CDH12: variants seen among roughly 807,000 people sequenced by gnomAD.
The protein encoded by CDH12 is cadherin-12.
A neutral mutation model predicts 74.1 loss-of-function variants in CDH12; 41 were observed. The observed-to-expected ratio is 0.55, with a 90% CI of 0.43 to 0.72. The LOEUF (loss-of-function observed/expected upper bound fraction) is 0.72. Among genes scored for constraint, CDH12 ranks in the 30% least tolerant of loss-of-function variants. The pLI, the probability that CDH12 is intolerant of heterozygous loss-of-function variation, is 0.00. For missense variants in CDH12, 945 were observed against 977.2 expected (o/e 0.97, Z 0.44); for synonymous variants, 399 against 355.0 (o/e 1.12, Z -1.39).
intron 2 of CDH12, among the ~76,000 whole-genome samples, chr5:22,489,626 T>C (rs964115909): frequency 5.3e-5 from 8 of 152,078 alleles, no homozygotes; most frequent in African/African-American, 1.9e-4. Context: ...TGCTGCAATT[T>C]TATAGCTGTA....
chr5:22,513,847 T>C (rs991347308), intron 1 of CDH12, among the ~76,000 whole-genome samples: 4 of 150,686 alleles, frequency 2.7e-5, no homozygotes, highest in African/African-American at 7.3e-5. Flanking sequence ...ACTTAGGAGG[T>C]TGAGGTAAGA....
intron 1 of CDH12, among the ~76,000 whole-genome samples, chr5:22,655,079 T>C (rs999083631): frequency 6.6e-6 from 1 of 152,226 alleles, no homozygotes; most frequent in Non-Finnish European, 1.5e-5. Flanking sequence ...TTTGTTTTTA[T>C]TTACTGGAAC....
intron 5 of CDH12, among the ~76,000 whole-genome samples, chr5:22,010,188 C>T (rs888499854): frequency 2.0e-5 from 3 of 152,014 alleles, no homozygotes; most frequent in Non-Finnish European, 4.4e-5. Context: ...TTAGTAGTGG[C>T]CTAATTTTCC....
At chr5:22,779,239 T>C (rs973684358) in intron 1 of CDH12, among the ~76,000 whole-genome samples, 1 of 152,170 alleles carries the variant, frequency 6.6e-6, no homozygotes, top group Non-Finnish European at 1.5e-5. Context: ...GAAGCGAAAA[T>C]GCAGAAATGG....
At chr5:22,318,195 T>C (rs972532752) in intron 3 of CDH12, among the ~76,000 whole-genome samples, 6 of 152,204 alleles carry the variant, frequency 3.9e-5, no homozygotes, top group Non-Finnish European at 7.4e-5. Context: ...TTAAGTTTCA[T>C]TAGCCAGTGG....
intron 4 of CDH12, among the ~76,000 whole-genome samples, chr5:22,112,123 A>G (rs1414614599): frequency 1.3e-5 from 2 of 152,108 alleles, no homozygotes; most frequent in Non-Finnish European, 2.9e-5. Context: ...GAAAGGATGA[A>G]TAAAAGTATA....
rs1259978495 is a variant in CDH12, at chr5:22,760,699, AAC to A, written c.-523+92357_-523+92358del. On this transcript the variant is annotated intron_variant, in intron 1 of 14. Transcript: ENST00000382254. ...GTCTCAAAAAAAAAAAAAAAAAAAAAACAAAAAAAAAAAGGTAAATTAAAAAA... is the reference window on the plus strand; with the variant it reads ...GTCTCAAAAAAAAAAAAAAAAAAAAAAAAAAAAAAAAGGTAAATTAAAAAA... Among the ~76,000 whole-genome samples the A allele has an allele frequency of 5.5e-4, 80 of 144,552 alleles. 1 individual carries two copies. Among genetic ancestry groups the A allele is most frequent in the African/African-American group, 1.8e-3 (66 of 37,420 alleles). The allele number at this position is 144,552 out of a possible 152,430, so 94.8% of individuals were successfully genotyped here.
rs574838597 is a variant in CDH12, at chr5:22,425,953, C to A, written c.-427-20602G>T. On this transcript the variant is annotated intron_variant, in intron 2 of 14. Transcript: ENST00000382254. ...CCATCCAGTGCTATTGTTTGGGAGGCTGAGGTGAGCGGATCACAAGGTCAA... is the reference window on the plus strand; with the variant it reads ...CCATCCAGTGCTATTGTTTGGGAGGATGAGGTGAGCGGATCACAAGGTCAA... 2.9e-3 allele frequency among the ~76,000 whole-genome samples: 446 copies of A among 151,974 alleles called. 6 individuals carry two copies. The highest frequency in any genetic ancestry group is 0.01 in the African/African-American group (424 of 41,468).
chr5:21,797,067 G>C (rs1025965445), intron 10 of CDH12, among the ~76,000 whole-genome samples: 45 of 152,154 alleles, frequency 3.0e-4, no homozygotes, highest in African/African-American at 9.9e-4. Context: ...GGGGCCAAAG[G>C]GTGAGAGTAA....
At chr5:22,638,411 C>T (rs1473115334) in intron 1 of CDH12, among the ~76,000 whole-genome samples, 2 of 152,078 alleles carry the variant, frequency 1.3e-5, no homozygotes, top group African/African-American at 4.8e-5. Flanking sequence ...TGTTTGAGGG[C>T]GGCAAGCATC....
rs79917116 is a variant in CDH12, at chr5:22,249,354, T to C, written c.-332-36711A>G. 3.4e-3 allele frequency among the ~76,000 whole-genome samples: 518 copies of C among 152,202 alleles called. 1 individual carries two copies. The highest frequency in any genetic ancestry group is 0.012 in the African/African-American group (491 of 41,520). On this transcript the variant is annotated intron_variant, in intron 3 of 14. Transcript: ENST00000382254. ...AAAGCAGAATGGTCATGAAAGACTG[T>C]TATTGGAGACAGCTGCGTGGCGGGA...
chr5:22,341,314 A>C (rs1018130490), intron 3 of CDH12, among the ~76,000 whole-genome samples: 3 of 152,250 alleles, frequency 2.0e-5, no homozygotes, highest in Admixed American at 2.0e-4. Flanking sequence ...TGATACCCCT[A>C]TCTCTACAAA....
intron 1 of CDH12, among the ~76,000 whole-genome samples, chr5:22,686,519 G>T (rs530172560): frequency 6.6e-6 from 1 of 152,276 alleles, no homozygotes; most frequent in African/African-American, 2.4e-5. Flanking sequence ...GCTCTCAAAT[G>T]TTGCTCATAA....
chr5:22,232,006 A>G (rs538388063), intron 3 of CDH12, among the ~76,000 whole-genome samples: 303 of 152,016 alleles, frequency 2.0e-3, no homozygotes, highest in African/African-American at 7.0e-3. Context: ...TGCCTAAAAT[A>G]TTAATGAAGG....
chr5:22,531,363 G>A (rs1245436568), intron 1 of CDH12, among the ~76,000 whole-genome samples: 1 of 151,892 alleles, frequency 6.6e-6, no homozygotes, highest in Non-Finnish European at 1.5e-5. Context: ...GGTGAATGAT[G>A]CAGTAGAAAC....
chr5:22,024,582 AGTTCACT>A (rs999515768), intron 5 of CDH12, among the ~76,000 whole-genome samples: 52 of 152,226 alleles, frequency 3.4e-4, no homozygotes, highest in African/African-American at 1.2e-3. Flanking sequence ...GTGTGATCTC[AGTTCACT>A]GCAACCTCCA....
At chr5:22,283,343 A>T (rs1348337698) in intron 3 of CDH12, among the ~76,000 whole-genome samples, 3 of 150,132 alleles carry the variant, frequency 2.0e-5, no homozygotes, top group African/African-American at 4.9e-5. Context: ...TATATCACAT[A>T]TATCACATTT....
At chr5:22,102,703 A>C (rs961025275) in intron 4 of CDH12, among the ~76,000 whole-genome samples, 1 of 151,696 alleles carries the variant, frequency 6.6e-6, no homozygotes, top group Non-Finnish European at 1.5e-5. Context: ...TACATAAATA[A>C]ATAATAAGAA....
chr5:22,679,432 T>C (rs1024717315), intron 1 of CDH12, among the ~76,000 whole-genome samples: 4 of 152,136 alleles, frequency 2.6e-5, no homozygotes. Flanking sequence ...AAGAATGATG[T>C]CAACCTTTAA....
Sources: allele counts gnomAD v4.1 joint callset (sites outside exome capture counted in the v4.1 genomes callset), GRCh38; gene constraint gnomAD v4.1.1; transcripts MANE v1.5; gene names NCBI Gene and HGNC (gene_info 2026-07-23, HGNC 2026-07-21).